Variants in NEB observed in about 807,000 individuals in gnomAD.
The protein encoded by NEB is nebulin, also known as nemaline myopathy type 2.
Under a neutral mutation model 952.2 loss-of-function variants are expected in NEB, and 512 were observed. The observed-to-expected ratio is 0.54, with a 90% CI of 0.50 to 0.58. The LOEUF (loss-of-function observed/expected upper bound fraction) is 0.58. Among genes scored for constraint, NEB ranks in the 20% least tolerant of loss-of-function variants. The pLI, the probability that NEB is intolerant of heterozygous loss-of-function variation, is 0.00. For missense variants in NEB, 8,428 were observed against 9,231.1 expected (o/e 0.91, Z 3.56); for synonymous variants, 2,900 against 3,149.8 (o/e 0.92, Z 2.66).
intron 161 of NEB, among the ~76,000 whole-genome samples, chr2:151,511,394 A>G (rs568620891): frequency 2.4e-4 from 37 of 152,352 alleles, no homozygotes; most frequent in African/African-American, 7.5e-4. Context: ...ATATACAACT[A>G]TATGTTTCCA....
chr2:151,559,877 T>C (rs1480747303), intron 124 of NEB, among the ~76,000 whole-genome samples: 5 of 152,108 alleles, frequency 3.3e-5, no homozygotes, highest in Non-Finnish European at 7.3e-5. Context: ...CACCATGGCA[T>C]ATGTATACCT....
chr2:151,610,515 C>T lies in NEB; in HGVS notation c.12018+1G>A, dbSNP rs762278237. The T allele has an allele frequency of 1.4e-5, 23 of 1,601,214 alleles. No individual in the cohort carries two copies. Among genetic ancestry groups the T allele is most frequent in the Non-Finnish European group, 1.8e-5 (21 of 1,168,536 alleles). ...CAGAGAGTTAGATGGAAGGTACTCA[C>T]GTCACTGGCGATGTCCCTGGAGGCC... On this transcript the variant is annotated splice_donor_variant, in intron 80 of 181. Transcript: ENST00000397345. LOFTEE classifies it high-confidence loss of function.
chr2:151,669,456 G>A (rs1164985729), intron 38 of NEB, among the ~76,000 whole-genome samples: 1 of 152,192 alleles, frequency 6.6e-6, no homozygotes, highest in Non-Finnish European at 1.5e-5. Context: ...ACTAGAATTT[G>A]TGATGTGTTG....
chr2:151,704,303 C>T (rs1364105057), intron 13 of NEB, among the ~76,000 whole-genome samples: 3 of 121,938 alleles, frequency 2.5e-5, no homozygotes, highest in Non-Finnish European at 5.2e-5. Flanking sequence ...GAGGTTACTG[C>T]TGTCTTTTTG....
At position 151,502,365 on chromosome 2, in the gene NEB, A is replaced by AAAAT. The variant is rs1208565792; in HGVS notation, c.23928+424_23928+427dup. 5.5e-4 allele frequency among the ~76,000 whole-genome samples: 81 copies of AAAAT among 146,648 alleles called. 1 individual carries two copies. The East Asian group carries it at 0.015, about 27-fold the overall frequency. On this transcript the variant is annotated intron_variant, in intron 167 of 181. Coordinates refer to ENST00000397345, the MANE Select transcript of NEB (RefSeq NM_001164508.2). The stretch of plus-strand genomic sequence containing the variant: ...CACCTGTACCTCCCAAACTTATGGA[A>AAAAT]AAATAAATAAACATCTAAACATAAA...
Position 151,697,423 on chromosome 2 carries a change from A to G in NEB, c.1292T>C (p.Leu431Ser). Residue 431 changes from leucine (L) to serine (S), a missense_variant, in exon 15 of 182, where the codon TTG becomes TCG. Leu to Ser is a moderately radical substitution (Grantham distance 145, BLOSUM62 -2). Around this residue, in one of 11 missense-constraint regions of NEB, gnomAD observed 2,851 missense variants for 2,791.5 expected, o/e 1.02. Coordinates refer to ENST00000397345, the MANE Select transcript of NEB (RefSeq NM_001164508.2). ...CTCGAAGCTGCCTACATAATGTCCC[A>G]AAATATCTTTTAAGTAGGAATCTTT... ...KYKDSYLKDI[L>S]GHYVGSFEDP... 6.2e-7 allele frequency: 1 copy of G among 1,613,840 alleles called. No individual in the cohort carries two copies.
rs370994489 is a variant in NEB, at chr2:151,625,605, T to C, written c.10381A>G (p.Thr3461Ala). 2.5e-6 allele frequency: 4 copies of C among 1,606,126 alleles called. No homozygotes were observed. Among genetic ancestry groups the C allele is most frequent in the Non-Finnish European group, 3.4e-6 (4 of 1,174,724 alleles). The change falls in exon 71 of 182, where the codon ACC becomes GCC. Residue 3461 changes from threonine (T) to alanine (A), a missense_variant. By Grantham distance (58) the Thr-to-Ala change is moderately conservative (BLOSUM62 0). Coordinates refer to ENST00000397345, the MANE Select transcript of NEB (RefSeq NM_001164508.2). ...GTATCAGGCATAATATGGACTTGGG[T>C]CTTGTCTTTGTCCCAGGCTTCTGTG... is the stretch of plus-strand genomic sequence containing the variant. ...LYTEAWDKDK[T>A]QVHIMPDTPE...
At chr2:151,695,802 C>A in intron 17 of NEB, 120 bp from the exon 18 acceptor site, 2 of 725,964 alleles carry the variant, frequency 2.8e-6, no homozygotes, top group Non-Finnish European at 2.4e-6. Context: ...ACATCTAGAG[C>A]TTGGGTAGGC....
In NEB at chr2:151,610,875, C is replaced by A; in HGVS notation, c.11806-9G>T. On this transcript the variant is annotated splice_polypyrimidine_tract_variant and intron_variant, in intron 78 of 181. Coordinates refer to ENST00000397345, the MANE Select transcript of NEB (RefSeq NM_001164508.2). ...GCTTCTGTGTATAAATGCTACAGGG[C>A]AGGGCGGCATGGGGCATGGGGAGAG... 1 of 1,561,734 alleles carries A rather than the reference C, an allele frequency of 6.4e-7. No homozygotes were observed.
chr2:151,506,075 G>A, intron 164 of NEB, 91 bp downstream of exon 164: 1 of 1,105,986 alleles, frequency 9.0e-7, no homozygotes, highest in South Asian at 1.2e-5. Context: ...AGCTGTTTCT[G>A]GTGACAGAGG....
chr2:151,498,549 A>AAAAC (rs2061930203), intron 169 of NEB, among the ~76,000 whole-genome samples, 197 bp from the exon 170 acceptor site: 1 of 152,196 alleles, frequency 6.6e-6, no homozygotes, highest in Admixed American at 6.5e-5. Flanking sequence ...AAGAGCAGCA[A>AAAAC]AAACTAAGAA....
intron 13 of NEB, among the ~76,000 whole-genome samples, chr2:151,705,266 T>C (rs537737064): frequency 6.6e-6 from 1 of 152,322 alleles, no homozygotes; most frequent in South Asian, 2.1e-4. Context: ...AAGCAATGAT[T>C]AGTTTTAAAT....
chr2:151,610,909 T>G, intron 78 of NEB, 43 bp from the exon 79 acceptor site: 4 of 1,233,834 alleles, frequency 3.2e-6, no homozygotes, highest in Non-Finnish European at 4.5e-6. Flanking sequence ...AGGGAGGGAG[T>G]ATAAGACCTT....
Position 151,697,148 on chromosome 2 carries a change from G to A in NEB, c.1470C>T (p.Asp490=), listed in dbSNP as rs778189876. 19 of 1,609,924 alleles carry A rather than the reference G, an allele frequency of 1.2e-5. No homozygotes were observed. The highest frequency in any genetic ancestry group is 5.0e-5 in the Admixed American group (3 of 59,886). ...TTCAAAGTTCAGACTACAGACTTACGTCTTTACACTGATCTAGTTTCTTAA... is the reference window on the plus strand; with the variant it reads ...TTCAAAGTTCAGACTACAGACTTACATCTTTACACTGATCTAGTTTCTTAA... The part of the protein sequence containing the change: ...EAIKKLDQCK[D]HTYKVHPDKT... The change falls in exon 16 of 182, where the codon GAC becomes GAT. Residue 490 remains aspartate, a splice_region_variant and synonymous_variant. Transcript: ENST00000397345.
chr2:151,665,981 G>A, intron 41 of NEB, 109 bp downstream of exon 41: 1 of 1,151,686 alleles, frequency 8.7e-7, no homozygotes, highest in Non-Finnish European at 1.2e-6. Flanking sequence ...AGTTCTGGAG[G>A]GAATCCTTAA....
At position 151,701,616 on chromosome 2, in the gene NEB, T is replaced by G. The variant is rs1333751342; in HGVS notation, c.1153-3968A>C. On this transcript the variant is annotated intron_variant, in intron 13 of 181. Transcript: ENST00000397345. Reference sequence around the variant, plus strand: ...TGGGAGATTGTATGTGTCGAGGAATTTATCCATTTCTTCTAGATTTTCTAG... The same window carrying G: ...TGGGAGATTGTATGTGTCGAGGAATGTATCCATTTCTTCTAGATTTTCTAG... Among the ~76,000 whole-genome samples the G allele has an allele frequency of 5.9e-5, 9 of 151,898 alleles. No individual in the cohort carries two copies. In the East Asian group the frequency reaches 1.4e-3, roughly 23 times the overall value.
In NEB at chr2:151,503,329, T is replaced by C. The variant is rs2066191302; in HGVS notation, c.23835+20A>G. The stretch of plus-strand genomic sequence containing the variant: ...ATTTTTTATGGGAAATAGTTTCTTA[T>C]ATGATATATTTGTAAATACCGAGCT... On this transcript the variant is annotated intron_variant, in intron 166 of 181. Transcript: ENST00000397345. The C allele has an allele frequency of 6.5e-7, 1 of 1,536,790 alleles. No individual in the cohort carries two copies. Among genetic ancestry groups the C allele is most frequent in the South Asian group, 1.1e-5 (1 of 88,110 alleles).
chr2:151,578,628 A>G (rs2096970093), intron 105 of NEB, among the ~76,000 whole-genome samples: 1 of 151,198 alleles, frequency 6.6e-6, no homozygotes. Context: ...AGCCAGGGCC[A>G]CAGGGCAAGG....
At chr2:151,568,227 AG>A in intron 112 of NEB, 49 bp from the exon 113 acceptor site, 1 of 1,591,096 alleles carries the variant, frequency 6.3e-7, no homozygotes, top group Non-Finnish European at 8.6e-7. Context: ...GTCAGAAGGG[AG>A]GGGTAAGTTG....
Sources: allele counts gnomAD v4.1 joint callset (sites outside exome capture counted in the v4.1 genomes callset), GRCh38; gene constraint gnomAD v4.1.1; regional missense constraint gnomAD v4.1.1; transcripts MANE v1.5; gene names NCBI Gene and HGNC (gene_info 2026-07-23, HGNC 2026-07-21).